Variants in BNC2 observed in about 807,000 individuals in gnomAD.
BNC2 encodes the protein basonuclin zinc finger protein 2.
In BNC2, 20 loss-of-function variants were observed where a neutral mutation model predicts 76.3. That is an observed-to-expected ratio of 0.26 (90% CI 0.18 to 0.38). The LOEUF (loss-of-function observed/expected upper bound fraction) is 0.38. Among genes scored for constraint, BNC2 ranks in the 10% least tolerant of loss-of-function variants. BNC2 has a pLI of 1.00. For missense variants in BNC2, 1,382 were observed against 1,399.8 expected (o/e 0.99, Z 0.20); for synonymous variants, 582 against 514.8 (o/e 1.13, Z -1.77).
At chr9:16,460,582 C>A (rs936029815) in intron 5 of BNC2, among the ~76,000 whole-genome samples, 4 of 152,050 alleles carry the variant, frequency 2.6e-5, no homozygotes, top group African/African-American at 9.7e-5. Context: ...GAGATCATGC[C>A]GCTGCACTCT....
In BNC2 at chr9:16,582,892, G is replaced by GACACACACAC. The variant is rs149223772; in HGVS notation, c.433+81_433+90dup. ...TCCAGGCCAGTGACTCCTCTAAACA[G>GACACACACAC]ACACACACACACACACACACACACA... On this transcript the variant is annotated intron_variant, in intron 4 of 6. Transcript: ENST00000380672. 2.8e-3 allele frequency: 1,783 copies of GACACACACAC among 626,864 alleles called. 20 individuals are homozygous for GACACACACAC. Among genetic ancestry groups the GACACACACAC allele is most frequent in the African/African-American group, 8.7e-3 (428 of 49,230 alleles). 38.8% of individuals were successfully genotyped at this position (626,864 alleles called of 1,614,324 possible).
At chr9:16,570,647 T>C (rs761506602) in intron 4 of BNC2, among the ~76,000 whole-genome samples, 19 of 152,186 alleles carry the variant, frequency 1.2e-4, no homozygotes, top group Non-Finnish European at 2.5e-4. Context: ...GTAGAAAATG[T>C]TAAGAACTAA....
chr9:16,743,854 A>T (rs1473239970), intron 1 of BNC2, among the ~76,000 whole-genome samples: 2 of 152,092 alleles, frequency 1.3e-5, no homozygotes, highest in Non-Finnish European at 2.9e-5. Flanking sequence ...ATTCCAAAAT[A>T]CCCCAGGGGA....
At chr9:16,826,398 A>G (rs971546287) in intron 1 of BNC2, among the ~76,000 whole-genome samples, 1 of 151,950 alleles carries the variant, frequency 6.6e-6, no homozygotes, top group Non-Finnish European at 1.5e-5. Flanking sequence ...CATCCTTAAC[A>G]CAAACATTTC....
rs187274739 is a variant in BNC2 at position 16,634,980 on chromosome 9, A to G, written c.331-51895T>C. ...TAGCTTGAATTCAGTGCCACTTGAC[A>G]GAATCTATTAGTAATGTGGTCTGTA... On this transcript the variant is annotated intron_variant, in intron 3 of 6. Coordinates refer to ENST00000380672, the MANE Select transcript of BNC2 (RefSeq NM_017637.6). Among the ~76,000 whole-genome samples the G allele has an allele frequency of 4.9e-4, 75 of 152,282 alleles. 1 individual carries two copies. Among genetic ancestry groups the G allele is most frequent in the African/African-American group, 1.7e-3 (70 of 41,560 alleles).
intron 3 of BNC2, among the ~76,000 whole-genome samples, chr9:16,677,843 G>A (rs1022039890): frequency 2.6e-5 from 4 of 152,022 alleles, no homozygotes; most frequent in Non-Finnish European, 4.4e-5. Flanking sequence ...CTTAATCAAG[G>A]TTCAATTGCT....
chr9:16,748,922 C>CTATACATATATATATA (rs1825094872), intron 1 of BNC2, among the ~76,000 whole-genome samples: 1 of 130,572 alleles, frequency 7.7e-6, no homozygotes, highest in African/African-American at 3.1e-5. Flanking sequence ...ACTTTTTATA[C>CTATACATATATATATA]TATATATATA....
At chr9:16,563,566 A>G (rs1403760449) in intron 4 of BNC2, among the ~76,000 whole-genome samples, 1 of 152,256 alleles carries the variant, frequency 6.6e-6, no homozygotes, top group Non-Finnish European at 1.5e-5. Context: ...GGATGGTTTC[A>G]ATTTCTTAGC....
chr9:16,868,454 G>C (rs1819596229), intron 1 of BNC2, among the ~76,000 whole-genome samples: 1 of 152,142 alleles, frequency 6.6e-6, no homozygotes, highest in Non-Finnish European at 1.5e-5. Context: ...CAGGTAGTAG[G>C]AATGTACTGC....
At chr9:16,777,858 A>G (rs1826012957) in intron 1 of BNC2, among the ~76,000 whole-genome samples, 1 of 152,206 alleles carries the variant, frequency 6.6e-6, no homozygotes, top group African/African-American at 2.4e-5. Context: ...TGGTACTCCC[A>G]TACAATGGAA....
intron 1 of BNC2, among the ~76,000 whole-genome samples, chr9:16,749,411 G>A (rs1825115998): frequency 1.3e-5 from 2 of 152,076 alleles, no homozygotes; most frequent in Non-Finnish European, 2.9e-5. Flanking sequence ...ATTCCAAATG[G>A]GTGGGGGAAG....
chr9:16,594,960 G>C (rs950953330), intron 3 of BNC2, among the ~76,000 whole-genome samples: 2 of 152,084 alleles, frequency 1.3e-5, no homozygotes, highest in African/African-American at 2.4e-5. Flanking sequence ...AAAAGGGAGA[G>C]GGATGGGTAA....
chr9:16,682,309 G>A (rs1393668935), intron 3 of BNC2, among the ~76,000 whole-genome samples: 1 of 150,290 alleles, frequency 6.7e-6, no homozygotes, highest in East Asian at 2.0e-4. Context: ...CAACATCATA[G>A]GAATTTAAAT....
At chr9:16,541,087 C>T (rs1363906856) in intron 5 of BNC2, among the ~76,000 whole-genome samples, 3 of 152,148 alleles carry the variant, frequency 2.0e-5, no homozygotes, top group Non-Finnish European at 4.4e-5. Flanking sequence ...CTTCAGGTGC[C>T]CTAGGTCTGG....
chr9:16,583,329 A>G (rs1266144664), intron 3 of BNC2, among the ~76,000 whole-genome samples: 1 of 152,236 alleles, frequency 6.6e-6, no homozygotes, highest in Non-Finnish European at 1.5e-5. Flanking sequence ...TTACAAACTT[A>G]GAATAAAAAT....
rs536944812 is a variant in BNC2, at chr9:16,809,524, G to A, written c.3+61122C>T. 1.1e-4 allele frequency among the ~76,000 whole-genome samples: 17 copies of A among 152,176 alleles called. No homozygotes were observed. The South Asian group carries it at 3.5e-3, about 32-fold the overall frequency. ...TTTATTTCCACACCAGCTTTCAATA[G>A]GTCAAACGAGGGTGTACCTGCTGAA... On this transcript the variant is annotated intron_variant, in intron 1 of 6. Transcript: ENST00000380672.
chr9:16,633,620 A>G (rs1261909999), intron 3 of BNC2, among the ~76,000 whole-genome samples: 2 of 152,190 alleles, frequency 1.3e-5, no homozygotes, highest in South Asian at 4.1e-4. Context: ...TTTTTATAAT[A>G]TCATTATTTC....
At chr9:16,465,114 C>A (rs575407703) in intron 5 of BNC2, among the ~76,000 whole-genome samples, 140 of 152,260 alleles carry the variant, frequency 9.2e-4, no homozygotes, top group African/African-American at 3.2e-3. Context: ...CAGTGCCACT[C>A]TGGTATATTT....
rs560393328 is a variant in BNC2, at chr9:16,456,258, T to G, written c.670-18734A>C. Reference sequence around the variant, plus strand: ...ACATTTTTGTCACCTAATCTTTCTTTCAGCATCTGTTTTTATGGAGTCTCA... The same window carrying G: ...ACATTTTTGTCACCTAATCTTTCTTGCAGCATCTGTTTTTATGGAGTCTCA... On this transcript the variant is annotated intron_variant, in intron 5 of 6. Transcript: ENST00000380672. Among the ~76,000 whole-genome samples, 12 of 152,318 alleles carry G rather than the reference T, an allele frequency of 7.9e-5. No homozygotes were observed. The South Asian group carries it at 1.9e-3, about 24-fold the overall frequency.
Sources: gnomAD v4.1 joint callset for allele counts (sites outside exome capture counted in the v4.1 genomes callset) on GRCh38, gnomAD v4.1.1 for gene constraint, MANE v1.5 for transcripts, NCBI Gene and HGNC (gene_info 2026-07-23, HGNC 2026-07-21) for gene names.